The following CFAP74 variants were observed in gnomAD, a reference collection of about 807,000 sequenced individuals.
The protein encoded by CFAP74 is cilia- and flagella-associated protein 74.
A neutral mutation model predicts 188.9 loss-of-function variants in CFAP74; 124 were observed. The ratio of observed to expected loss-of-function variants is 0.66; its 90% CI spans 0.57 to 0.76. The LOEUF (loss-of-function observed/expected upper bound fraction) is 0.76. Among genes scored for constraint, CFAP74 ranks in the 30% least tolerant of loss-of-function variants. The pLI, the probability that CFAP74 is intolerant of heterozygous loss-of-function variation, is 0.00. For missense variants in CFAP74, 2,198 were observed against 2,165.2 expected (o/e 1.02, Z -0.30); for synonymous variants, 956 against 916.7 (o/e 1.04, Z -0.77).
chr1:1,982,291 G>A (rs1410357442), intron 6 of CFAP74, among the ~76,000 whole-genome samples: 1 of 133,370 alleles, frequency 7.5e-6, no homozygotes, highest in Non-Finnish European at 1.6e-5. Flanking sequence ...GGTCACACGC[G>A]GGGACACGCA....
rs778165549 is a variant in CFAP74 at position 1,986,985 on chromosome 1, T to C, written c.347A>G (p.Gln116Arg). The stretch of plus-strand genomic sequence containing the variant: ...GGCGATCTCGGCTGCCACAGCCTCC[T>C]GCTGCTTGTCGATCAGGTCCCGCCT... ...RQRRDLIDKQ[Q>R]EAVAAEIATE... is the part of the protein sequence containing the mutation. Residue 116 changes from glutamine to arginine, a missense_variant, in exon 5 of 39, where the codon CAG (glutamine) becomes CGG (arginine). Gln to Arg is a conservative substitution (Grantham distance 43, BLOSUM62 1). Transcript: ENST00000682832. 43 of 1,601,940 alleles carry C rather than the reference T, an allele frequency of 2.7e-5. 1 individual carries two copies. The South Asian group carries it at 4.4e-4, about 16-fold the overall frequency.
Position 1,968,640 on chromosome 1 carries a change from T to G in CFAP74, c.1240A>C (p.Thr414Pro). 3.1e-6 allele frequency: 5 copies of G among 1,612,006 alleles called. No individual in the cohort carries two copies. The highest frequency in any genetic ancestry group is 4.2e-6 in the Non-Finnish European group (5 of 1,179,142). Residue 414 changes from threonine to proline, a missense_variant, in exon 11 of 39, where the codon ACA (threonine) becomes CCA (proline). By Grantham distance (38) the Thr-to-Pro change is conservative. Coordinates refer to ENST00000682832, the MANE Select transcript of CFAP74 (RefSeq NM_001304360.2). The surrounding 1 kb of genome is among the most constrained non-coding windows in gnomAD (Gnocchi z 4.3). ...KKTTVPTNTY[T>P]LDYEAAAGPG... ...CAGGAAGGCGTTTTGCTCACCAGTG[T>G]GTACGTGTTGGTTGGGACTGTGGTC...
chr1:1,952,133 A>G (rs1173248751), intron 18 of CFAP74, among the ~76,000 whole-genome samples: 3 of 151,944 alleles, frequency 2.0e-5, no homozygotes, highest in African/African-American at 7.3e-5. Context: ...TTGTATTTTC[A>G]GTAGAGATGG....
intron 13 of CFAP74, 69 bp downstream of exon 13, chr1:1,964,819 G>A (rs1170572049): frequency 4.3e-5 from 67 of 1,562,138 alleles, no homozygotes; most frequent in Non-Finnish European, 5.8e-5. Context: ...CAGGGGTTGG[G>A]CTGCGGCAGG....
chr1:1,966,625 C>T, intron 11 of CFAP74, 99 bp from the exon 12 acceptor site: 1 of 1,160,402 alleles, frequency 8.6e-7, no homozygotes, highest in Admixed American at 3.7e-5. Flanking sequence ...CGCTGCCTGC[C>T]CCCGTTCTTC....
At position 1,975,658 on chromosome 1, in the gene CFAP74, C is replaced by T. The variant is rs1338335094; in HGVS notation, c.501-1460G>A. Among the ~76,000 whole-genome samples the T allele has an allele frequency of 6.6e-6, 1 of 152,166 alleles. No individual in the cohort carries two copies. Among genetic ancestry groups the T allele is most frequent in the Non-Finnish European group, 1.5e-5 (1 of 68,034 alleles). ...CTGGCTGGTGTCCTGTCATGCAGCA[C>T]GTTCATTGCTCCCCAAGTCTGGGGG... On this transcript the variant is annotated intron_variant, in intron 6 of 38. Coordinates refer to ENST00000682832, the MANE Select transcript of CFAP74 (RefSeq NM_001304360.2). The surrounding 1 kb of genome is among the most constrained non-coding windows in gnomAD (Gnocchi z 4.5).
chr1:1,927,880 G>T (rs1019510928), intron 27 of CFAP74, 134 bp from the exon 28 acceptor site: 10 of 995,972 alleles, frequency 1.0e-5, no homozygotes, highest in East Asian at 7.9e-5. Context: ...CGCAAAAGCC[G>T]ACCGGCGCCC....
At chr1:1,969,831 G>A (rs1655802233) in intron 10 of CFAP74, among the ~76,000 whole-genome samples, 1 of 152,140 alleles carries the variant, frequency 6.6e-6, no homozygotes, top group Non-Finnish European at 1.5e-5. Flanking sequence ...AGAGGGCCAG[G>A]AGCCCCCGCC....
chr1:1,966,499 G>A lies in CFAP74; in HGVS notation c.1273C>T (p.Pro425Ser), dbSNP rs778815142. 8.8e-6 allele frequency: 14 copies of A among 1,584,232 alleles called. No homozygotes were observed. Among genetic ancestry groups the A allele is most frequent in the African/African-American group, 1.4e-5 (1 of 73,686 alleles). The change falls in exon 12 of 39, where the codon CCC becomes TCC. Residue 425 changes from proline to serine, a missense_variant. Pro to Ser is a moderately conservative substitution (Grantham distance 74). Transcript: ENST00000682832. ...GAAACGACTTCCAGCAACCGAGAGGGCCCGGGGCCTGCAGCAGCCTCGTAG... is the reference window on the plus strand; with the variant it reads ...GAAACGACTTCCAGCAACCGAGAGGACCCGGGGCCTGCAGCAGCCTCGTAG... ...LDYEAAAGPG[P>S]SRLLEVVSSE...
chr1:2,003,423 C>A (rs1658299650), intron 1 of CFAP74, among the ~76,000 whole-genome samples: 1 of 152,166 alleles, frequency 6.6e-6, no homozygotes, highest in Non-Finnish European at 1.5e-5. Context: ...ACCAGACAGG[C>A]TGGCCCTTGA....
At chr1:1,922,799 C>A in intron 37 of CFAP74, 76 bp from the exon 38 acceptor site, 1 of 1,524,308 alleles carries the variant, frequency 6.6e-7, no homozygotes, top group Non-Finnish European at 8.8e-7. Flanking sequence ...GGTGAGGGTG[C>A]CCAGCTCCAC....
chr1:1,957,487 G>C (rs574520794), intron 16 of CFAP74, among the ~76,000 whole-genome samples: 2 of 152,324 alleles, frequency 1.3e-5, no homozygotes, highest in South Asian at 4.1e-4. Context: ...CCCTTGTTCA[G>C]ATGGGGTTTT....
rs995874049 is a variant in CFAP74, at chr1:1,970,992, A to G, written c.889-176T>C. Among the ~76,000 whole-genome samples, 10 of 149,990 alleles carry G rather than the reference A, an allele frequency of 6.7e-5. No homozygotes were observed. In the South Asian group the frequency reaches 1.0e-3, roughly 16 times the overall value. ...CATGCACACCTGCACACACGTGCAC[A>G]CACACACGCACACCTGCACATGCAC... On this transcript the variant is annotated intron_variant, in intron 9 of 38. Coordinates refer to ENST00000682832, the MANE Select transcript of CFAP74 (RefSeq NM_001304360.2).
At chr1:1,963,343 G>A (rs1655226039) in intron 14 of CFAP74, among the ~76,000 whole-genome samples, 1 of 151,392 alleles carries the variant, frequency 6.6e-6, no homozygotes, top group African/African-American at 2.4e-5. Context: ...CCCAGCTACT[G>A]GGGAGGCTGA....
intron 30 of CFAP74, 70 bp from the exon 31 acceptor site, chr1:1,926,582 G>T: frequency 6.5e-7 from 1 of 1,546,062 alleles, no homozygotes; most frequent in Non-Finnish European, 8.7e-7. Context: ...GGGGTGGGCC[G>T]TGGGGCTGGG....
In CFAP74 at chr1:1,925,853, C is replaced by T; in HGVS notation, c.4034G>A (p.Cys1345Tyr). The change falls in exon 33 of 39, where the codon TGC becomes TAC. Residue 1345 changes from cysteine (C) to tyrosine (Y), a missense_variant. Cys to Tyr is a radical substitution (Grantham distance 194, BLOSUM62 -2). Coordinates refer to ENST00000682832, the MANE Select transcript of CFAP74 (RefSeq NM_001304360.2). The stretch of plus-strand genomic sequence containing the variant: ...GTTGAGGACGCTGCCTTCAATGGAG[C>T]ACGTGATCATGGACGCCACGCCAGT... The part of the protein sequence containing the change: ...MGTGVASMIT[C>Y]SIEGSVLNMG... The T allele has an allele frequency of 6.2e-7, 1 of 1,612,710 alleles. No individual in the cohort carries two copies. The highest frequency in any genetic ancestry group is 8.5e-7 in the Non-Finnish European group (1 of 1,179,924).
rs1425365106 is a variant in CFAP74, at chr1:1,925,840, G to A, written c.4047C>T (p.Gly1349=). The change falls in exon 33 of 39, where the codon GGC becomes GGT. Residue 1349 remains glycine (G), a synonymous_variant. Transcript: ENST00000682832. ...TCACATAGCCCATGTTGAGGACGCT[G>A]CCTTCAATGGAGCACGTGATCATGG... is the stretch of plus-strand genomic sequence containing the variant. ...VASMITCSIE[G]SVLNMGYVIA... is the part of the protein sequence containing the mutation. 1.2e-6 allele frequency: 2 copies of A among 1,612,594 alleles called. No individual in the cohort carries two copies. Among genetic ancestry groups the A allele is most frequent in the East Asian group, 2.2e-5 (1 of 44,900 alleles).
intron 6 of CFAP74, among the ~76,000 whole-genome samples, chr1:1,978,506 A>G (rs181941802): frequency 1.6e-3 from 244 of 152,228 alleles, no homozygotes; most frequent in African/African-American, 5.7e-3. Flanking sequence ...AGTCCAGTTT[A>G]TCTGAAGAGC....
At chr1:1,947,241 C>T (rs147805308) in intron 18 of CFAP74, among the ~76,000 whole-genome samples, 187 bp from the exon 19 acceptor site, 2 of 152,378 alleles carry the variant, frequency 1.3e-5, no homozygotes, top group Non-Finnish European at 2.9e-5. Flanking sequence ...CAGTCCCCAC[C>T]GTGCCCGGAG....
Sources: allele counts gnomAD v4.1 joint callset (sites outside exome capture counted in the v4.1 genomes callset), GRCh38; gene constraint gnomAD v4.1.1; non-coding constraint Gnocchi (gnomAD v3.1); transcripts MANE v1.5; gene names NCBI Gene and HGNC (gene_info 2026-07-23, HGNC 2026-07-21).